TTLL10: variants seen among roughly 807,000 people sequenced by gnomAD.
TTLL10 encodes the protein inactive polyglycylase TTLL10.
TTLL10 carries 61 observed loss-of-function variants against 69.0 expected under a neutral mutation model. The ratio of observed to expected loss-of-function variants is 0.88; its 90% CI spans 0.72 to 1.09. The LOEUF is 1.09. Among genes scored for constraint, TTLL10 ranks in the 50% least tolerant of loss-of-function variants. TTLL10 has a pLI of 0.00. For missense variants in TTLL10, 962 were observed against 945.9 expected (o/e 1.02, Z -0.22); for synonymous variants, 408 against 393.3 (o/e 1.04, Z -0.44).
At position 1,197,488 on chromosome 1, in the gene TTLL10, C is replaced by T. The variant is rs1487799968; in HGVS notation, c.1663C>T (p.Pro555Ser). The change falls in exon 16 of 16, where the codon CCT (proline) becomes TCT (serine). Residue 555 changes from proline (P) to serine (S), a missense_variant. Physicochemically the swap from Pro to Ser is moderately conservative, Grantham distance 74. Transcript: ENST00000379289. ...GAGCCTGCGCGGCCAGAAGATGTTG[C>T]CTCTGCTGTCCCAGCGCCGCTTCGT... Reference protein sequence around the residue: ...RKSLRGQKMLPLLSQRRFVLL... With the variant: ...RKSLRGQKMLSLLSQRRFVLL... The T allele has an allele frequency of 9.7e-6, 15 of 1,545,368 alleles. No individual in the cohort carries two copies. In the East Asian group the frequency reaches 3.7e-4, roughly 38 times the overall value.
intron 3 of TTLL10, chr1:1,174,760 G>A (rs891368674): frequency 6.6e-6 from 1 of 152,174 alleles, no homozygotes; most frequent in Non-Finnish European, 1.5e-5. Flanking sequence ...CGCTTGGGAG[G>A]CTGCGTCCCA....
At chr1:1,184,203 G>A in intron 12 of TTLL10, 112 bp downstream of exon 12, 2 of 1,469,238 alleles carry the variant, frequency 1.4e-6, no homozygotes, top group East Asian at 2.3e-5. Flanking sequence ...AGGTGGCCCA[G>A]GCCGGGAGGT....
chr1:1,182,235 C>T (rs543587148), intron 9 of TTLL10, 126 bp from the exon 10 acceptor site: 26 of 808,412 alleles, frequency 3.2e-5, no homozygotes, highest in Admixed American at 5.6e-5. Flanking sequence ...ACAAGGAGAA[C>T]GGCCGCGGGC....
In TTLL10 at chr1:1,185,877, G is replaced by A. The variant is rs1647280342; in HGVS notation, c.1401+768G>A. On this transcript the variant is annotated intron_variant, in intron 13 of 15. Coordinates refer to ENST00000379289, the MANE Select transcript of TTLL10 (RefSeq NM_001130045.2). This position sits in a 1 kb window ranked among gnomAD's most constrained non-coding sequence, Gnocchi z 6.1. ...TCACGATCTTAAAGTGTGCAGTTCA[G>A]TGGCTTTTAGTATTTCAAAAGTTGT... 1 of 970,994 alleles carries A rather than the reference G, an allele frequency of 1.0e-6. No individual in the cohort carries two copies. The highest frequency in any genetic ancestry group is 1.2e-6 in the Non-Finnish European group (1 of 816,878). 60.1% of individuals were successfully genotyped at this position (970,994 alleles called of 1,614,324 possible). A position where few individuals can be genotyped will look rare whatever the true frequency, so the allele number is the denominator to read the frequency against.
Position 1,184,073 on chromosome 1 carries a change from C to T in TTLL10, c.1242C>T (p.Gly414=), listed in dbSNP as rs142302891. 2.4e-5 allele frequency: 39 copies of T among 1,614,092 alleles called. No homozygotes were observed. The highest frequency in any genetic ancestry group is 2.4e-4 in the African/African-American group (18 of 74,948). ...SLYDPHSSDL[G]GHLTNQFMQK... ...ACGACCCCCATTCCAGCGACCTCGG[C>T]GGCCACTTGACCAACCAGGTGAGTC... Residue 414 remains glycine, a synonymous_variant, in exon 12 of 16, where the codon GGC becomes GGT. Transcript: ENST00000379289.
At chr1:1,175,473 G>T (rs574859586) in intron 3 of TTLL10, 1 of 361,332 alleles carries the variant, frequency 2.8e-6, no homozygotes, top group East Asian at 7.3e-5. Context: ...ATCCCGGCAC[G>T]AATGATGTTT....
chr1:1,196,801 C>T (rs1648245772), intron 14 of TTLL10, 85 bp downstream of exon 14: 1 of 1,041,882 alleles, frequency 9.6e-7, no homozygotes, highest in African/African-American at 1.6e-5. Flanking sequence ...CTGGCAGGCC[C>T]CAGGCAGAAT....
intron 13 of TTLL10, among the ~76,000 whole-genome samples, chr1:1,193,625 G>T (rs112761379): frequency 0.01 from 1,549 of 151,630 alleles, 26 homozygotes; most frequent in African/African-American, 0.033. Context: ...CACCACACCC[G>T]GCTAATTTTT....
chr1:1,188,587 C>G (rs1460438225), intron 13 of TTLL10, among the ~76,000 whole-genome samples: 1 of 151,934 alleles, frequency 6.6e-6, no homozygotes, highest in African/African-American at 2.4e-5. Flanking sequence ...GTATTTTTAG[C>G]AGAGACCAGG....
chr1:1,195,013 G>A (rs1168376090), intron 13 of TTLL10, among the ~76,000 whole-genome samples: 2 of 151,850 alleles, frequency 1.3e-5, no homozygotes, highest in Non-Finnish European at 2.9e-5. Context: ...TTTGTTTTGA[G>A]ACAGGGTTTC....
At chr1:1,176,716 C>T (rs1195851142) in intron 3 of TTLL10, among the ~76,000 whole-genome samples, 1 of 152,210 alleles carries the variant, frequency 6.6e-6, no homozygotes, top group Non-Finnish European at 1.5e-5. Flanking sequence ...TGTATCTCCC[C>T]GGGCCTCCCC....
intron 3 of TTLL10, chr1:1,176,463 C>T (rs1646876075): frequency 2.2e-6 from 1 of 451,212 alleles, no homozygotes; most frequent in Non-Finnish European, 4.4e-6. Flanking sequence ...TGACAGCTCA[C>T]TCCTGTGAGA....
In TTLL10 at chr1:1,181,150, C is replaced by G. The variant is rs1647055877; in HGVS notation, c.755+290C>G. Among the ~76,000 whole-genome samples, 1 of 151,530 alleles carries G rather than the reference C, an allele frequency of 6.6e-6. No individual in the cohort carries two copies. Among genetic ancestry groups the G allele is most frequent in the African/African-American group, 2.4e-5 (1 of 41,142 alleles). On this transcript the variant is annotated intron_variant, in intron 8 of 15. Coordinates refer to ENST00000379289, the MANE Select transcript of TTLL10 (RefSeq NM_001130045.2). The surrounding 1 kb of genome is among the most constrained non-coding windows in gnomAD (Gnocchi z 4.6). The stretch of plus-strand genomic sequence containing the variant: ...CCTGTCCCATAAACCCACCCTCTTC[C>G]TCGTGGCTGAACGGGGAAGATCCCA...
At position 1,182,286 on chromosome 1, in the gene TTLL10, G is replaced by T. The variant is rs779647018; in HGVS notation, c.831-75G>T. 2.2e-6 allele frequency: 3 copies of T among 1,353,642 alleles called. 1 individual carries two copies. The highest frequency in any genetic ancestry group is 3.2e-6 in the Non-Finnish European group (3 of 944,144). 83.9% of individuals were successfully genotyped at this position (1,353,642 alleles called of 1,614,324 possible). On this transcript the variant is annotated intron_variant, in intron 9 of 15. Coordinates refer to ENST00000379289, the MANE Select transcript of TTLL10 (RefSeq NM_001130045.2). ...CCACACTCCCTCCCGCCGGGCCACA[G>T]GCTGGGCCTCAAACCGCCCACCCAG...
intron 2 of TTLL10, 35 bp from the exon 3 acceptor site, chr1:1,174,389 C>G (rs559348647): frequency 6.5e-6 from 1 of 152,794 alleles, no homozygotes; most frequent in Non-Finnish European, 1.5e-5. Context: ...CAGCAGGACA[C>G]TAACATGTGG....
chr1:1,182,499 G>A, intron 10 of TTLL10, 53 bp downstream of exon 10: 1 of 1,581,386 alleles, frequency 6.3e-7, no homozygotes, highest in Non-Finnish European at 8.7e-7. Context: ...CAGGGTGAGG[G>A]CTGGACCAAG....
chr1:1,188,278 T>C (rs1647490976), intron 13 of TTLL10, among the ~76,000 whole-genome samples: 1 of 150,552 alleles, frequency 6.6e-6, no homozygotes, highest in South Asian at 2.1e-4. Context: ...GAAATTGGGA[T>C]ATGTGAGTCT....
intron 14 of TTLL10, 149 bp from the exon 15 acceptor site, chr1:1,196,944 C>A: frequency 1.2e-6 from 1 of 852,482 alleles, no homozygotes; most frequent in Non-Finnish European, 1.9e-6. Context: ...GCTTCAGACC[C>A]TCAGAGCTTC....
Position 1,196,674 on chromosome 1 carries a change from T to G in TTLL10, c.1476T>G (p.Phe492Leu), listed in dbSNP as rs773287344. 7.7e-6 allele frequency: 12 copies of G among 1,552,114 alleles called. 1 individual carries two copies. In the South Asian group the frequency reaches 1.4e-4, roughly 18 times the overall value. Residue 492 changes from phenylalanine to leucine, a missense_variant, in exon 14 of 16, where the codon TTT becomes TTG. Physicochemically the swap from Phe to Leu is conservative, Grantham distance 22. Transcript: ENST00000379289. ...KPKLDCKLGY[F>L]DLIGCDFLID... is the part of the protein sequence containing the mutation. ...AGCTGGACTGCAAGCTGGGTTACTT[T>G]GACCTCATTGGCTGTGACTTCCTGA...
Sources: gnomAD v4.1 joint callset for allele counts (sites outside exome capture counted in the v4.1 genomes callset) on GRCh38, gnomAD v4.1.1 for gene constraint, Gnocchi (gnomAD v3.1) non-coding constraint, MANE v1.5 for transcripts, NCBI Gene and HGNC (gene_info 2026-07-23, HGNC 2026-07-21) for gene names.